Variants in TLDC2 observed in about 807,000 individuals in gnomAD.
The protein encoded by TLDC2 is TBC/LysM-associated domain containing 2.
TLDC2 carries 23 observed loss-of-function variants against 27.9 expected under a neutral mutation model. The ratio of observed to expected loss-of-function variants is 0.82; its 90% CI spans 0.59 to 1.17. TLDC2 has a LOEUF of 1.17. Among genes scored for constraint, TLDC2 ranks in the 50% most tolerant of loss-of-function variants. TLDC2 has a pLI of 0.00. For synonymous variants in TLDC2, 124 were observed against 107.4 expected (o/e 1.16, Z -0.96); for missense variants, 286 against 273.4 (o/e 1.05, Z -0.32).
intron 5 of TLDC2, among the ~76,000 whole-genome samples, chr20:36,887,933 A>G (rs957021697): frequency 6.6e-6 from 1 of 152,114 alleles, no homozygotes; most frequent in African/African-American, 2.4e-5. Flanking sequence ...AGGAAAAAAA[A>G]GTTGATCTCA....
Position 36,887,533 on chromosome 20 carries a change from G to C in TLDC2, c.512+5G>C. On this transcript the variant is annotated splice_donor_5th_base_variant and intron_variant, in intron 5 of 6. Transcript: ENST00000217320. ...ACTGATGATGGGCAGTGGCAGGTGA[G>C]TGTCTCAGTCTTCCCGAGTCTTGGG... The C allele has an allele frequency of 6.2e-7, 1 of 1,613,758 alleles. No individual in the cohort carries two copies. Among genetic ancestry groups the C allele is most frequent in the African/African-American group, 1.3e-5 (1 of 75,034 alleles).
At chr20:36,886,734 C>T (rs1989930021) in intron 4 of TLDC2, among the ~76,000 whole-genome samples, 1 of 152,090 alleles carries the variant, frequency 6.6e-6, no homozygotes, top group Admixed American at 6.6e-5. Flanking sequence ...GCTGGGATTA[C>T]AAGTGCACAC....
intron 4 of TLDC2, among the ~76,000 whole-genome samples, chr20:36,885,030 C>T (rs1404316633): frequency 6.6e-6 from 1 of 151,898 alleles, no homozygotes; most frequent in Non-Finnish European, 1.5e-5. Flanking sequence ...AGGCATGCCA[C>T]CACGCCCAGC....
chr20:36,882,315 G>A (rs1188931229), intron 4 of TLDC2, among the ~76,000 whole-genome samples: 1 of 152,208 alleles, frequency 6.6e-6, no homozygotes, highest in Non-Finnish European at 1.5e-5. Flanking sequence ...GGCAGAGGCA[G>A]GAGGATCGCT....
rs1309055515 is a variant in TLDC2, at chr20:36,889,401, C to G, written c.*15C>G. 5.6e-6 allele frequency: 9 copies of G among 1,612,468 alleles called. No homozygotes were observed. The highest frequency in any genetic ancestry group is 8.5e-7 in the Non-Finnish European group (1 of 1,179,690). On this transcript the variant is annotated splice_region_variant and 3_prime_UTR_variant, in exon 6 of 7. Transcript: ENST00000217320. ...TTCTCAGCTGACAGCCCTGCGGCAA[C>G]AGGTACTCAGCCCTGCTCATGATGC... is the stretch of plus-strand genomic sequence containing the variant.
intron 1 of TLDC2, 31 bp from the exon 2 acceptor site, chr20:36,877,867 TG>T (rs775038896): frequency 6.3e-7 from 1 of 1,598,936 alleles, no homozygotes; most frequent in Non-Finnish European, 8.5e-7. Context: ...CTCCTGTCCC[TG>T]GACACACCAG....
Position 36,893,603 on chromosome 20 carries a change from G to T in TLDC2, c.*759G>T. ...ACCCAAAATAAGGGAGAGATCCAAA[G>T]GGAGGCGATACAATGACGTGAAACC... On this transcript the variant is annotated 3_prime_UTR_variant, in exon 7 of 7. Transcript: ENST00000217320. 2 of 331,942 alleles carry T rather than the reference G, an allele frequency of 6.0e-6. No individual in the cohort carries two copies. The highest frequency in any genetic ancestry group is 4.5e-5 in the Admixed American group (1 of 22,256). The allele number at this position is 331,942 out of a possible 1,614,324, so 20.6% of individuals were successfully genotyped here.
intron 6 of TLDC2, chr20:36,892,629 A>G (rs565728119): frequency 3.0e-4 from 115 of 385,004 alleles, no homozygotes; most frequent in South Asian, 2.7e-3. Flanking sequence ...CTTGTCTCTT[A>G]AAAAAGAAAA....
intron 4 of TLDC2, among the ~76,000 whole-genome samples, chr20:36,886,910 G>A (rs1039809524): frequency 6.6e-6 from 1 of 152,156 alleles, no homozygotes; most frequent in African/African-American, 2.4e-5. Context: ...TGATTTGGAC[G>A]TAGAACAGAT....
rs556815006 is a variant in TLDC2, at chr20:36,887,884, G to A, written c.512+356G>A. On this transcript the variant is annotated intron_variant, in intron 5 of 6. Coordinates refer to ENST00000217320, the MANE Select transcript of TLDC2 (RefSeq NM_080628.3). ...GGAATTGCAGGGGACATAACTCATTGCAGGAACCTCCCTCGGTGAGGACGG... is the reference window on the plus strand; with the variant it reads ...GGAATTGCAGGGGACATAACTCATTACAGGAACCTCCCTCGGTGAGGACGG... Among the ~76,000 whole-genome samples, 7 of 152,292 alleles carry A rather than the reference G, an allele frequency of 4.6e-5. No individual in the cohort carries two copies. The East Asian group carries it at 1.4e-3, about 29-fold the overall frequency.
chr20:36,877,319 C>T (rs578017858), intron 1 of TLDC2, among the ~76,000 whole-genome samples: 5 of 147,586 alleles, frequency 3.4e-5, no homozygotes, highest in East Asian at 2.0e-4. Context: ...AGCCAGAGGT[C>T]GCAGTGAGCT....
chr20:36,877,778 G>A, intron 1 of TLDC2, 121 bp from the exon 2 acceptor site: 1 of 1,173,808 alleles, frequency 8.5e-7, no homozygotes, highest in East Asian at 2.5e-5. Flanking sequence ...GCTGGGCTGG[G>A]GGTTACAGGC....
intron 4 of TLDC2, among the ~76,000 whole-genome samples, chr20:36,884,210 G>T (rs1160582670): frequency 1.3e-5 from 2 of 152,160 alleles, no homozygotes; most frequent in African/African-American, 4.8e-5. Flanking sequence ...TGATCTACAA[G>T]TCCCTACAAC....
At chr20:36,889,530 G>C in intron 6 of TLDC2, 127 bp downstream of exon 6, 1 of 1,209,488 alleles carries the variant, frequency 8.3e-7, no homozygotes. Flanking sequence ...TTGTGGCCTG[G>C]GGACCCAAGA....
At position 36,879,133 on chromosome 20, in the gene TLDC2, C is replaced by T. The variant is rs770171199; in HGVS notation, c.282C>T (p.Tyr94=). The part of the protein sequence containing the change: ...SRDGFSLQSL[Y]RRMEGCSGPV... Reference sequence around the variant, plus strand: ...ACGGTTTCAGCCTGCAGAGCCTGTACCGGCGGATGGAGGGCTGCAGCGGGC... The same window carrying T: ...ACGGTTTCAGCCTGCAGAGCCTGTATCGGCGGATGGAGGGCTGCAGCGGGC... The change falls in exon 3 of 7, where the codon TAC becomes TAT. Residue 94 remains tyrosine, a synonymous_variant. Transcript: ENST00000217320. The T allele has an allele frequency of 1.9e-6, 3 of 1,614,146 alleles. No individual in the cohort carries two copies. The highest frequency in any genetic ancestry group is 2.5e-6 in the Non-Finnish European group (3 of 1,180,026).
At chr20:36,881,307 G>A (rs1989809548) in intron 4 of TLDC2, among the ~76,000 whole-genome samples, 2 of 152,016 alleles carry the variant, frequency 1.3e-5, no homozygotes, top group Admixed American at 1.3e-4. Flanking sequence ...TTAAGCCCGG[G>A]AGGTTGAGGC....
In TLDC2 at chr20:36,889,253, G is replaced by A. The variant is rs1485454641; in HGVS notation, c.515G>A (p.Gly172Asp). ...CAAGACTGTCCTCTTCTCTCTAGTGGCCGGTTTGGGCTGTGGTTGGATGGA... is the reference window on the plus strand; with the variant it reads ...CAAGACTGTCCTCTTCTCTCTAGTGACCGGTTTGGGCTGTGGTTGGATGGA... ...LDSLMMGSGS[G>D]RFGLWLDGDL... The change falls in exon 6 of 7, where the codon GGC becomes GAC. Residue 172 changes from glycine (G) to aspartate (D), a missense_variant and splice_region_variant. By Grantham distance (94) the Gly-to-Asp change is moderately conservative. Transcript: ENST00000217320. The A allele has an allele frequency of 1.9e-6, 3 of 1,614,060 alleles. No individual in the cohort carries two copies. The Admixed American group carries it at 5.0e-5, about 27-fold the overall frequency.
intron 4 of TLDC2, 27 bp downstream of exon 4, chr20:36,880,777 G>A (rs771659359): frequency 6.2e-6 from 10 of 1,606,742 alleles, no homozygotes; most frequent in Admixed American, 1.7e-5. Flanking sequence ...TCCATGGGGG[G>A]AGTGGGGCGT....
At chr20:36,887,729 G>A (rs1166432240) in intron 5 of TLDC2, among the ~76,000 whole-genome samples, 1 of 152,198 alleles carries the variant, frequency 6.6e-6, no homozygotes. Flanking sequence ...GGATGCATGA[G>A]TGCCCCCACT....
Sources: gnomAD v4.1 joint callset for allele counts (sites outside exome capture counted in the v4.1 genomes callset) on GRCh38, gnomAD v4.1.1 for gene constraint, MANE v1.5 for transcripts, NCBI Gene and HGNC (gene_info 2026-07-23, HGNC 2026-07-21) for gene names.